Variants in DIAPH2 observed in about 807,000 individuals in gnomAD.
The protein encoded by DIAPH2 is diaphanous related formin 2.
DIAPH2 carries 35 observed loss-of-function variants against 92.7 expected under a neutral mutation model. The observed-to-expected ratio is 0.38, with a 90% CI of 0.29 to 0.50. The LOEUF (loss-of-function observed/expected upper bound fraction) is 0.50, where lower values mean the gene tolerates loss of function less well. Among genes scored for constraint, DIAPH2 ranks in the 20% least tolerant of loss-of-function variants. DIAPH2 has a pLI of 0.94. For missense variants in DIAPH2, 701 were observed against 819.5 expected (o/e 0.86, Z 1.77); for synonymous variants, 301 against 280.4 (o/e 1.07, Z -0.73).
chrX:96,706,167 T>C (rs1395562021), intron 1 of DIAPH2, among the ~76,000 whole-genome samples: 2 of 112,520 alleles, frequency 1.8e-5, no homozygotes, highest in Admixed American at 1.9e-4. Flanking sequence ...AGCAATCCAC[T>C]GTGTCTGAAT....
intron 26 of DIAPH2, among the ~76,000 whole-genome samples, chrX:97,515,157 G>T (rs2070933596): frequency 8.9e-6 from 1 of 112,558 alleles, no homozygotes; most frequent in Non-Finnish European, 1.9e-5. Flanking sequence ...CTAGCAATCA[G>T]CGAGATTCCG....
chrX:96,916,156 T>C (rs1288263944), intron 7 of DIAPH2, among the ~76,000 whole-genome samples: 1 of 111,555 alleles, frequency 9.0e-6, no homozygotes, highest in African/African-American at 3.2e-5. Flanking sequence ...TATGTTATTC[T>C]TTGTTGAAGA....
At chrX:96,821,260 TAA>T (rs1456309061) in intron 4 of DIAPH2, among the ~76,000 whole-genome samples, 3 of 112,679 alleles carry the variant, frequency 2.7e-5, no homozygotes, top group African/African-American at 9.7e-5. Context: ...AGGCTTCACT[TAA>T]ACACAGGCAA....
intron 1 of DIAPH2, among the ~76,000 whole-genome samples, chrX:96,731,770 A>T (rs1382833954): frequency 1.8e-5 from 2 of 111,510 alleles, no homozygotes; most frequent in African/African-American, 6.5e-5. Context: ...GTGCTAAGTT[A>T]TATTTAATAT....
chrX:97,330,995 A>G (rs1282765968), intron 23 of DIAPH2, among the ~76,000 whole-genome samples: 1 of 111,425 alleles, frequency 9.0e-6, no homozygotes, highest in African/African-American at 3.3e-5. Context: ...TTTCAGTCCA[A>G]GAGCTGGCTT....
At chrX:96,840,622 T>C (rs1602555868) in intron 4 of DIAPH2, among the ~76,000 whole-genome samples, 1 of 110,740 alleles carries the variant, frequency 9.0e-6, no homozygotes, top group Non-Finnish European at 1.9e-5. Flanking sequence ...TTTATTATTA[T>C]TTTTGAGACG....
In DIAPH2 at chrX:97,090,298, CTTTTTTTTTTTTTTTTTTT is replaced by C. The variant is rs760073834; in HGVS notation, c.2248-9378_2248-9360del. Among the ~76,000 whole-genome samples, 92 of 38,868 alleles carry C rather than the reference CTTTTTTTTTTTTTTTTTTT, an allele frequency of 2.4e-3. 1 individual carries two copies. Among genetic ancestry groups the C allele is most frequent in the Admixed American group, 4.3e-3 (12 of 2,781 alleles). 33.8% of individuals were successfully genotyped at this position (38,868 alleles called of 115,157 possible). A position where few individuals can be genotyped will look rare whatever the true frequency, so the allele number is the denominator to read the frequency against. ...GTGATCCTCTGATTGTCTCTGATCC[CTTTTTTTTTTTTTTTTTTT>C]TTTTTTTTTTTTTTTTTGAGAAAGA... On this transcript the variant is annotated intron_variant, in intron 19 of 26. Coordinates refer to ENST00000324765, the MANE Select transcript of DIAPH2 (RefSeq NM_006729.5).
At chrX:97,217,638 A>G (rs73258340) in intron 22 of DIAPH2, among the ~76,000 whole-genome samples, 159 of 112,266 alleles carry the variant, frequency 1.4e-3, no homozygotes, top group Middle Eastern at 4.6e-3. Flanking sequence ...TCACATAGGT[A>G]TTCATTCATA....
intron 23 of DIAPH2, among the ~76,000 whole-genome samples, chrX:97,333,860 C>T (rs1433332085): frequency 9.1e-6 from 1 of 110,269 alleles, no homozygotes; most frequent in Non-Finnish European, 1.9e-5. Flanking sequence ...CCACCGCCCC[C>T]GACCCATATT....
rs371212826 is a variant in DIAPH2, at chrX:96,773,568, G to A, written c.447+15310G>A. Among the ~76,000 whole-genome samples the A allele has an allele frequency of 1.5e-4, 17 of 111,750 alleles. No homozygotes were observed. In the East Asian group the frequency reaches 4.5e-3, roughly 30 times the overall value. ...TTTAATGTCAAGAATGGGGAGAGGG[G>A]CCGGGTGATGTGGCTCATGCCTGTA... is the stretch of plus-strand genomic sequence containing the variant. On this transcript the variant is annotated intron_variant, in intron 4 of 26. Coordinates refer to ENST00000324765, the MANE Select transcript of DIAPH2 (RefSeq NM_006729.5).
At chrX:97,291,152 C>T (rs184121275) in intron 23 of DIAPH2, among the ~76,000 whole-genome samples, 1 of 109,651 alleles carries the variant, frequency 9.1e-6, no homozygotes, top group African/African-American at 3.3e-5. Flanking sequence ...TTTGGGAGGC[C>T]GAGGCGGGCA....
chrX:97,361,271 AATAG>A (rs762463069), intron 24 of DIAPH2, among the ~76,000 whole-genome samples: 126 of 111,228 alleles, frequency 1.1e-3, no homozygotes, highest in Middle Eastern at 4.6e-3. Flanking sequence ...AATATATTCA[AATAG>A]ATAGACTTGT....
At position 96,738,915 on chromosome X, in the gene DIAPH2, C is replaced by CT. The variant is rs201698474; in HGVS notation, c.342+162dup. Among the ~76,000 whole-genome samples, 522 of 109,713 alleles carry CT rather than the reference C, an allele frequency of 4.8e-3. 4 individuals carry two copies. Among genetic ancestry groups the CT allele is most frequent in the Non-Finnish European group, 8.2e-3 (429 of 52,332 alleles). The stretch of plus-strand genomic sequence containing the variant: ...TAACAAAACTATTTGCAAAAGTATC[C>CT]TTTTTTTTTCTTTTTTCTTGGCAAA... On this transcript the variant is annotated intron_variant, in intron 3 of 26. Coordinates refer to ENST00000324765, the MANE Select transcript of DIAPH2 (RefSeq NM_006729.5).
chrX:96,827,263 A>G (rs771681442), intron 4 of DIAPH2, among the ~76,000 whole-genome samples: 10 of 112,121 alleles, frequency 8.9e-5, no homozygotes, highest in South Asian at 3.7e-4. Flanking sequence ...ATTATCTGTT[A>G]TCTATCTAAC....
In DIAPH2 at chrX:96,983,194, A is replaced by G. The variant is rs142800165; in HGVS notation, c.2050+17987A>G. Among the ~76,000 whole-genome samples, 41 of 111,176 alleles carry G rather than the reference A, an allele frequency of 3.7e-4. No homozygotes were observed. In the East Asian group the frequency reaches 0.011, roughly 30 times the overall value. ...AGAGCATAATACTGTTTTGATTTTT[A>G]GTAATAATGTTTTTTTAACTGATCA... On this transcript the variant is annotated intron_variant, in intron 17 of 26. Transcript: ENST00000324765.
At chrX:96,688,049 CT>C (rs1182419344) in intron 1 of DIAPH2, among the ~76,000 whole-genome samples, 1 of 111,717 alleles carries the variant, frequency 9.0e-6, no homozygotes, top group Admixed American at 9.5e-5. Flanking sequence ...GAAGAGAAAG[CT>C]CTATAAATGT....
At chrX:96,748,759 T>C (rs1283444613) in intron 3 of DIAPH2, among the ~76,000 whole-genome samples, 1 of 111,660 alleles carries the variant, frequency 9.0e-6, no homozygotes, top group Non-Finnish European at 1.9e-5. Flanking sequence ...CCAGATACTT[T>C]GTTAGGTACA....
intron 26 of DIAPH2, among the ~76,000 whole-genome samples, chrX:97,510,351 GTGT>G (rs1231832250): frequency 9.0e-5 from 10 of 111,550 alleles, no homozygotes; most frequent in Non-Finnish European, 1.9e-4. Context: ...CTTTTTGATG[GTGT>G]TGTTTGTTTT....
At chrX:96,967,395 T>TATTCATTCATTCATTC (rs369521457) in intron 17 of DIAPH2, among the ~76,000 whole-genome samples, 12 of 105,759 alleles carry the variant, frequency 1.1e-4, no homozygotes, top group Admixed American at 4.1e-4. Context: ...TTTATTTATT[T>TATTCATTCATTCATTC]ATTCATTCAT....
Sources: allele counts gnomAD v4.1 joint callset (sites outside exome capture counted in the v4.1 genomes callset), GRCh38; gene constraint gnomAD v4.1.1; transcripts MANE v1.5; gene names NCBI Gene and HGNC (gene_info 2026-07-23, HGNC 2026-07-21).